The following SPEG variants were observed in gnomAD, a reference collection of about 807,000 sequenced individuals.
The protein encoded by SPEG is striated muscle preferentially expressed protein kinase.
In SPEG, 114 loss-of-function variants were observed where a neutral mutation model predicts 300.4. The observed-to-expected ratio is 0.38, with a 90% CI of 0.33 to 0.44. The LOEUF (loss-of-function observed/expected upper bound fraction) is 0.44. SPEG is among the 20% of genes least tolerant of loss of function. SPEG has a pLI of 1.00. For synonymous variants in SPEG, 1,964 were observed against 2,018.9 expected (o/e 0.97, Z 0.73); for missense variants, 4,201 against 4,586.2 (o/e 0.92, Z 2.43).
In SPEG at chr2:219,462,062, G is replaced by A. The variant is rs1474363466; in HGVS notation, c.2616+5G>A. 1 of 1,594,420 alleles carries A rather than the reference G, an allele frequency of 6.3e-7. No homozygotes were observed. On this transcript the variant is annotated splice_donor_5th_base_variant and intron_variant, in intron 7 of 40. Coordinates refer to ENST00000312358, the MANE Select transcript of SPEG (RefSeq NM_005876.5). Reference sequence around the variant, plus strand: ...AAGGCACCCCCCACCTTCAAGGTCAGACCCCTGAGGCTGGGGCCTAGCCTC... The same window carrying A: ...AAGGCACCCCCCACCTTCAAGGTCAAACCCCTGAGGCTGGGGCCTAGCCTC...
rs755942646 is a variant in SPEG at position 219,451,797 on chromosome 2, C to T, written c.2430C>T (p.Thr810=). The T allele has an allele frequency of 4.2e-5, 64 of 1,542,110 alleles. No homozygotes were observed. The highest frequency in any genetic ancestry group is 9.7e-5 in the South Asian group (8 of 82,702). ...AGGCCACCTGTGCCGCCTCACTGAC[C>T]GTGAGACCCGGTAGGGAGCCCATCA... ...LGQATCAASL[T]VRPGGSTSPF... The change falls in exon 6 of 41, where the codon ACC becomes ACT. Residue 810 remains threonine (T), a synonymous_variant. Transcript: ENST00000312358. The surrounding 1 kb of genome is among the most constrained non-coding windows in gnomAD (Gnocchi z 6.4).
intron 6 of SPEG, chr2:219,461,377 GC>G (rs1303231620): frequency 1.0e-6 from 1 of 998,160 alleles, no homozygotes; most frequent in Non-Finnish European, 1.2e-6. Context: ...CGCCTCATTG[GC>G]CCTGGACCGA....
chr2:219,483,354 A>G lies in SPEG; in HGVS notation c.5891A>G (p.Glu1964Gly), dbSNP rs55760738. ...PTEDEALGTP[E>G]TGAATPMDWQ... Reference sequence around the variant, plus strand: ...GAGGATGAGGCCCTGGGGACCCCAGAGACTGGGGCTGCCACCCCCATGGAC... The same window carrying G: ...GAGGATGAGGCCCTGGGGACCCCAGGGACTGGGGCTGCCACCCCCATGGAC... The change falls in exon 30 of 41, where the codon GAG becomes GGG. Residue 1964 changes from glutamate (E) to glycine (G), a missense_variant. Physicochemically the swap from Glu to Gly is moderately conservative, Grantham distance 98. Transcript: ENST00000312358. 5.2e-5 allele frequency: 84 copies of G among 1,604,338 alleles called. 1 individual carries two copies. The highest frequency in any genetic ancestry group is 1.8e-4 in the South Asian group (16 of 89,948).
At position 219,469,286 on chromosome 2, in the gene SPEG, G is replaced by A; in HGVS notation, c.3622G>A (p.Glu1208Lys). ...GGGACTGGCCAAGGAGGCCATGCTAGAGTGCCAGGTGACCGGCCTGCCCTA... is the reference window on the plus strand; with the variant it reads ...GGGACTGGCCAAGGAGGCCATGCTAAAGTGCCAGGTGACCGGCCTGCCCTA... ...EVGLAKEAML[E>K]CQVTGLPYPT... is the part of the protein sequence containing the mutation. Residue 1208 changes from glutamate (E) to lysine (K), a missense_variant, in exon 13 of 41, where the codon GAG becomes AAG. Glu to Lys is a moderately conservative substitution (Grantham distance 56, BLOSUM62 1). Transcript: ENST00000312358. The A allele has an allele frequency of 6.2e-7, 1 of 1,613,942 alleles. No homozygotes were observed. Among genetic ancestry groups the A allele is most frequent in the Non-Finnish European group, 8.5e-7 (1 of 1,179,996 alleles).
chr2:219,484,845 T>C lies in SPEG; in HGVS notation c.7382T>C (p.Leu2461Pro), dbSNP rs1471983983. 1 of 1,518,924 alleles carries C rather than the reference T, an allele frequency of 6.6e-7. No individual in the cohort carries two copies. Among genetic ancestry groups the C allele is most frequent in the Admixed American group, 2.0e-5 (1 of 49,860 alleles). The allele number at this position is 1,518,924 out of a possible 1,614,324, so 94.1% of individuals were successfully genotyped here. Reference protein sequence around the residue: ...LAMRRRLSFTLERLSSRLQRS... With the variant: ...LAMRRRLSFTPERLSSRLQRS... ...ATGCGCAGGCGGCTGAGCTTCACCC[T>C]GGAGCGGCTGTCCAGCCGATTGCAG... is the stretch of plus-strand genomic sequence containing the variant. Residue 2461 changes from leucine to proline, a missense_variant, in exon 30 of 41, where the codon CTG (leucine) becomes CCG (proline). By Grantham distance (98) the Leu-to-Pro change is moderately conservative (BLOSUM62 -3). Around this residue, in one of 4 missense-constraint regions of SPEG, gnomAD observed 1,578 missense variants for 1,506.0 expected, o/e 1.05. Coordinates refer to ENST00000312358, the MANE Select transcript of SPEG (RefSeq NM_005876.5).
intron 8 of SPEG, among the ~76,000 whole-genome samples, chr2:219,463,641 G>A (rs1690963428): frequency 1.3e-5 from 2 of 150,578 alleles, no homozygotes; most frequent in East Asian, 2.0e-4. Flanking sequence ...CCTGACCTCA[G>A]GTGATCCACC....
rs560607800 is a variant in SPEG at position 219,444,587 on chromosome 2, G to A, written c.389-66G>A. The A allele has an allele frequency of 2.2e-6, 3 of 1,372,150 alleles. No individual in the cohort carries two copies. Among genetic ancestry groups the A allele is most frequent in the East Asian group, 4.6e-5 (2 of 43,532 alleles). 85.0% of individuals were successfully genotyped at this position (1,372,150 alleles called of 1,614,324 possible). ...GCCTGCTGTTGGCAGGGAGGCAGAA[G>A]GCAATAGGGAAGAGTTGGAGGCAGA... is the stretch of plus-strand genomic sequence containing the variant. On this transcript the variant is annotated intron_variant, in intron 1 of 40. Coordinates refer to ENST00000312358, the MANE Select transcript of SPEG (RefSeq NM_005876.5). The surrounding 1 kb of genome is among the most constrained non-coding windows in gnomAD (Gnocchi z 7.8).
At chr2:219,490,675 G>A (rs1278004569) in intron 37 of SPEG, 27 bp downstream of exon 37, 1 of 1,609,658 alleles carries the variant, frequency 6.2e-7, no homozygotes, top group African/African-American at 1.3e-5. Flanking sequence ...GGGGAGTAGG[G>A]AGGAAGAGGT....
intron 6 of SPEG, among the ~76,000 whole-genome samples, chr2:219,454,946 T>C (rs1049695411): frequency 2.2e-4 from 34 of 152,060 alleles, no homozygotes; most frequent in Non-Finnish European, 4.3e-4. Context: ...ATACAAAAAT[T>C]AGCCAGGCGT....
rs367946927 is a variant in SPEG, at chr2:219,445,033, G to A, written c.687G>A (p.Pro229=). ...GAGPRHLGVE[P]LVRASRANLV... is the part of the protein sequence containing the mutation. ...GGCCACGGCACCTGGGGGTGGAGCC[G>A]CTGGTGCGGGCATCTCGAGCTAATC... Residue 229 remains proline, a synonymous_variant, in exon 3 of 41, where the codon CCG becomes CCA. Transcript: ENST00000312358. This position sits in a 1 kb window ranked among gnomAD's most constrained non-coding sequence, Gnocchi z 6.1. 9.9e-6 allele frequency: 16 copies of A among 1,608,202 alleles called. No homozygotes were observed. The African/African-American group carries it at 1.7e-4, about 17-fold the overall frequency.
At position 219,489,829 on chromosome 2, in the gene SPEG, GGTGGTCAGCTCCCCT is replaced by G. The variant is rs1559434031; in HGVS notation, c.8813_8827del (p.Val2938_Pro2942del). 6.2e-7 allele frequency: 1 copy of G among 1,613,498 alleles called. No homozygotes were observed. Among genetic ancestry groups the G allele is most frequent in the Admixed American group, 1.7e-5 (1 of 60,016 alleles). ...TGCAGAGCCTCAGCCCGGCCAAGGA[GGTGGTCAGCTCCCCT>G]GGGAGCAGTCCCCGAAGCTCTCCCA... On this transcript the variant is annotated inframe_deletion, in exon 36 of 41. Transcript: ENST00000312358.
At chr2:219,457,251 A>G (rs1268438022) in intron 6 of SPEG, among the ~76,000 whole-genome samples, 4 of 152,208 alleles carry the variant, frequency 2.6e-5, no homozygotes, top group Admixed American at 2.6e-4. Context: ...GCTAACCTGC[A>G]GCCTATCACT....
chr2:219,481,293 C>A lies in SPEG; in HGVS notation c.5370-11C>A. The A allele has an allele frequency of 6.2e-7, 1 of 1,613,498 alleles. No homozygotes were observed. Among genetic ancestry groups the A allele is most frequent in the Middle Eastern group, 1.7e-4 (1 of 6,060 alleles). ...GCCTGCCCCTCATGACAGCCCTCTT[C>A]ACCCCTGCAGTCTGACAGGAATCTC... is the stretch of plus-strand genomic sequence containing the variant. On this transcript the variant is annotated splice_polypyrimidine_tract_variant and intron_variant, in intron 26 of 40. Coordinates refer to ENST00000312358, the MANE Select transcript of SPEG (RefSeq NM_005876.5). The surrounding 1 kb of genome is among the most constrained non-coding windows in gnomAD (Gnocchi z 5.4).
intron 4 of SPEG, among the ~76,000 whole-genome samples, chr2:219,449,493 G>T (rs572949801): frequency 6.6e-5 from 10 of 152,326 alleles, no homozygotes; most frequent in Admixed American, 2.0e-4. Context: ...GAGGCAGAGC[G>T]TGAGTGTTGT....
chr2:219,449,379 G>C, intron 4 of SPEG, 108 bp downstream of exon 4: 8 of 878,250 alleles, frequency 9.1e-6, no homozygotes, highest in Non-Finnish European at 1.2e-5. Flanking sequence ...TTCGCCTGGG[G>C]CTGCTAGCCA....
At chr2:219,450,572 G>A (rs1308117510) in intron 4 of SPEG, 2 of 152,376 alleles carry the variant, frequency 1.3e-5, no homozygotes, top group East Asian at 3.9e-4. Context: ...AGTATGCCGG[G>A]AGTACAGGGT....
chr2:219,475,697 C>T (rs1411137228), intron 18 of SPEG, among the ~76,000 whole-genome samples: 1 of 152,170 alleles, frequency 6.6e-6, no homozygotes, highest in African/African-American at 2.4e-5. Context: ...AGCCCCTGGC[C>T]CTGAGAGCCC....
At position 219,435,130 on chromosome 2, in the gene SPEG, C is replaced by T. The variant is rs368226647; in HGVS notation, c.153C>T (p.Asn51=). ...GAPVFLRPLK[N]AAVCAGSDVR... is the part of the protein sequence containing the mutation. ...CAGTCTTCCTGCGGCCCCTGAAGAA[C>T]GCGGCGGTGTGCGCGGGCAGCGACG... Residue 51 remains asparagine (N), a synonymous_variant, in exon 1 of 41, where the codon AAC becomes AAT. Coordinates refer to ENST00000312358, the MANE Select transcript of SPEG (RefSeq NM_005876.5). 2,605 of 1,457,480 alleles carry T rather than the reference C, an allele frequency of 1.8e-3. 14 individuals carry two copies. In the Middle Eastern group the frequency reaches 0.02, roughly 11 times the overall value. The allele number at this position is 1,457,480 out of a possible 1,614,324, so 90.3% of individuals were successfully genotyped here.
At position 219,464,631 on chromosome 2, in the gene SPEG, AAT is replaced by A. The variant is rs753845968; in HGVS notation, c.2881+24_2881+25del. The A allele has an allele frequency of 1.9e-6, 3 of 1,608,860 alleles. No individual in the cohort carries two copies. The highest frequency in any genetic ancestry group is 2.6e-6 in the Non-Finnish European group (3 of 1,175,726). On this transcript the variant is annotated intron_variant, in intron 9 of 40. Coordinates refer to ENST00000312358, the MANE Select transcript of SPEG (RefSeq NM_005876.5). The surrounding 1 kb of genome is among the most constrained non-coding windows in gnomAD (Gnocchi z 4.5). Reference sequence around the variant, plus strand: ...GAGGTGAGTACCTGATTTCTCCATGAATGCCCACCTGGCCCTGGCCCCTTCCT... The same window carrying A: ...GAGGTGAGTACCTGATTTCTCCATGAGCCCACCTGGCCCTGGCCCCTTCCT...
Sources: gnomAD v4.1 joint callset for allele counts (sites outside exome capture counted in the v4.1 genomes callset) on GRCh38, gnomAD v4.1.1 for gene constraint, gnomAD v4.1.1 regional missense constraint, Gnocchi (gnomAD v3.1) non-coding constraint, MANE v1.5 for transcripts, NCBI Gene and HGNC (gene_info 2026-07-23, HGNC 2026-07-21) for gene names.